ASTN2: variants seen among roughly 807,000 people sequenced by gnomAD.
ASTN2 encodes the protein astrotactin 2, also known as astrotactin-2.
A neutral mutation model predicts 139.8 loss-of-function variants in ASTN2; 54 were observed. The ratio of observed to expected loss-of-function variants is 0.39; its 90% CI spans 0.31 to 0.48. The LOEUF is 0.48. Ranked by LOEUF, ASTN2 falls within the 20% of genes least tolerant of loss-of-function variation. The pLI, the probability that ASTN2 is intolerant of heterozygous loss-of-function variation, is 0.95. For missense variants in ASTN2, 1,565 were observed against 1,725.1 expected, an observed-to-expected ratio of 0.91 and a Z score of 1.64; for synonymous variants, 756 against 719.5, an observed-to-expected ratio of 1.05 and a Z score of -0.81.
chr9:117,223,767 A>G (rs1163296810), intron 2 of ASTN2, among the ~76,000 whole-genome samples: 2 of 152,222 alleles, frequency 1.3e-5, no homozygotes, highest in African/African-American at 4.8e-5. Context: ...ACTCACACCT[A>G]TGTTAATACA....
intron 1 of ASTN2, among the ~76,000 whole-genome samples, chr9:117,393,837 C>CTGGTA (rs1830607318): frequency 6.6e-6 from 1 of 151,808 alleles, no homozygotes; most frequent in Admixed American, 6.6e-5. Context: ...TGGGCAGGCT[C>CTGGTA]TGGTATGAAA....
In ASTN2 at chr9:116,699,597, C is replaced by G. The variant is rs368240408; in HGVS notation, c.2806+26174G>C. ...CCTTATTCGAGAGGGACTTACCTGT[C>G]CGGTGGGCATAGCCCTAACTCCTAA... On this transcript the variant is annotated intron_variant, in intron 16 of 22. Coordinates refer to ENST00000313400, the MANE Select transcript of ASTN2 (RefSeq NM_001365068.1). This position sits in a 1 kb window ranked among gnomAD's most constrained non-coding sequence, Gnocchi z 4.2. 1.2e-6 allele frequency: 2 copies of G among 1,614,176 alleles called. No individual in the cohort carries two copies. The highest frequency in any genetic ancestry group is 8.5e-7 in the Non-Finnish European group (1 of 1,180,034).
At position 116,847,034 on chromosome 9, in the gene ASTN2, CAAAAAACAAAAAACA is replaced by C. The variant is rs1832457305; in HGVS notation, c.2040+16534_2040+16548del. On this transcript the variant is annotated intron_variant, in intron 11 of 22. Coordinates refer to ENST00000313400, the MANE Select transcript of ASTN2 (RefSeq NM_001365068.1). The stretch of plus-strand genomic sequence containing the variant: ...AAAAAAAAAAAAAAAAAACAAAAAA[CAAAAAACAAAAAACA>C]AAAAAAAACATATATTCTAATGGGG... 1.7e-5 allele frequency among the ~76,000 whole-genome samples: 2 copies of C among 118,766 alleles called. 1 individual carries two copies. The highest frequency in any genetic ancestry group is 6.6e-5 in the African/African-American group (2 of 30,328). The allele number at this position is 118,766 out of a possible 152,430, so 77.9% of individuals were successfully genotyped here. A position where few individuals can be genotyped will look rare whatever the true frequency, so the allele number is the denominator to read the frequency against.
chr9:117,338,891 C>T (rs911705693), intron 1 of ASTN2, among the ~76,000 whole-genome samples: 3 of 152,286 alleles, frequency 2.0e-5, no homozygotes, highest in African/African-American at 7.2e-5. Flanking sequence ...CCTCTCCAGA[C>T]CTCACAGCTG....
chr9:116,579,908 G>A (rs1331400650), intron 19 of ASTN2, among the ~76,000 whole-genome samples: 3 of 152,112 alleles, frequency 2.0e-5, no homozygotes, highest in East Asian at 1.9e-4. Context: ...TGCAACCTCC[G>A]CCTCCTGGAT....
chr9:117,034,509 G>A (rs1010839164), intron 6 of ASTN2, among the ~76,000 whole-genome samples: 3 of 152,146 alleles, frequency 2.0e-5, no homozygotes, highest in African/African-American at 7.2e-5. Flanking sequence ...TATTAAAGAT[G>A]CTTATAATGA....
chr9:117,346,068 T>C (rs901587289), intron 1 of ASTN2, among the ~76,000 whole-genome samples: 4 of 150,842 alleles, frequency 2.7e-5, no homozygotes, highest in African/African-American at 9.8e-5. Context: ...AGATGTTTTA[T>C]TGTCTAACCC....
At chr9:117,398,680 A>G (rs993613885) in intron 1 of ASTN2, among the ~76,000 whole-genome samples, 2 of 152,244 alleles carry the variant, frequency 1.3e-5, no homozygotes, top group African/African-American at 4.8e-5. Context: ...ACTGTTTGTC[A>G]TGGCCACCTT....
chr9:117,067,885 T>C (rs1050299396), intron 5 of ASTN2, among the ~76,000 whole-genome samples: 1 of 121,120 alleles, frequency 8.3e-6, no homozygotes, highest in African/African-American at 2.9e-5. Flanking sequence ...TGAAGTTGCT[T>C]ATCAGCTTAA....
At chr9:117,046,524 C>T (rs535750873) in intron 5 of ASTN2, among the ~76,000 whole-genome samples, 1 of 152,270 alleles carries the variant, frequency 6.6e-6, no homozygotes, top group East Asian at 1.9e-4. Flanking sequence ...TGTAAGCTCT[C>T]AATATATTTC....
At chr9:116,950,593 G>T (rs1040684205) in intron 10 of ASTN2, among the ~76,000 whole-genome samples, 1 of 152,056 alleles carries the variant, frequency 6.6e-6, no homozygotes, top group Non-Finnish European at 1.5e-5. Context: ...AGTTTGTCAC[G>T]GGAAGTTACA....
In ASTN2 at chr9:116,698,554, G is replaced by GGGAGCTCACCCTGCAAGATGT. The variant is rs760537269; in HGVS notation, c.2806+27196_2806+27216dup. ...CCAGAGCTCACTGCCAGCTTGCCTC[G>GGGAGCTCACCCTGCAAGATGT]GGAGCTCACCCTGCAAGATGTGGAG... On this transcript the variant is annotated intron_variant, in intron 16 of 22. Coordinates refer to ENST00000313400, the MANE Select transcript of ASTN2 (RefSeq NM_001365068.1). The surrounding 1 kb of genome is among the most constrained non-coding windows in gnomAD (Gnocchi z 4.4). 6.2e-7 allele frequency: 1 copy of GGGAGCTCACCCTGCAAGATGT among 1,613,890 alleles called. No homozygotes were observed. The highest frequency in any genetic ancestry group is 8.5e-7 in the Non-Finnish European group (1 of 1,180,010).
intron 10 of ASTN2, among the ~76,000 whole-genome samples, chr9:116,930,176 C>A (rs1292848822): frequency 6.6e-6 from 1 of 152,128 alleles, no homozygotes; most frequent in Non-Finnish European, 1.5e-5. Context: ...AGGTGGGCAC[C>A]ATTGGGATGG....
intron 22 of ASTN2, among the ~76,000 whole-genome samples, chr9:116,427,093 C>G (rs1858016): frequency 0.92 from 140,175 of 152,138 alleles, 64,755 homozygotes; most frequent in Non-Finnish European, 0.96. Context: ...AGGAAGGATT[C>G]TTGCAATCAC....
At chr9:117,233,741 T>C (rs1007650887) in intron 2 of ASTN2, among the ~76,000 whole-genome samples, 3 of 152,132 alleles carry the variant, frequency 2.0e-5, no homozygotes, top group African/African-American at 7.2e-5. Flanking sequence ...TGGTGATCAC[T>C]GAACAGTGAG....
At chr9:117,171,871 T>C (rs1415595631) in intron 3 of ASTN2, among the ~76,000 whole-genome samples, 1 of 152,130 alleles carries the variant, frequency 6.6e-6, no homozygotes, top group Non-Finnish European at 1.5e-5. Flanking sequence ...ACTAATACAC[T>C]ATCTAAACAT....
At chr9:116,429,021 C>A (rs1379947402) in intron 22 of ASTN2, among the ~76,000 whole-genome samples, 1 of 151,876 alleles carries the variant, frequency 6.6e-6, no homozygotes, top group African/African-American at 2.4e-5. Context: ...GAGAACTGAG[C>A]GGAAGGAGGC....
At chr9:116,934,002 T>TTTTTTTTTTTTTTTTTTTTTTTTTTTC (rs1588422835) in intron 10 of ASTN2, among the ~76,000 whole-genome samples, 1 of 121,360 alleles carries the variant, frequency 8.2e-6, no homozygotes, top group Admixed American at 8.7e-5. Context: ...TTTTTTTTTT[T>TTTTTTTTTTTTTTTTTTTTTTTTTTTC]CTGGATCAAG....
chr9:116,967,578 T>C (rs1286096719), intron 10 of ASTN2, among the ~76,000 whole-genome samples: 3 of 152,332 alleles, frequency 2.0e-5, no homozygotes, highest in Non-Finnish European at 2.9e-5. Context: ...TTGCCTACAA[T>C]GTGTGCACAC....
Sources: gnomAD v4.1 joint callset for allele counts (sites outside exome capture counted in the v4.1 genomes callset) on GRCh38, gnomAD v4.1.1 for gene constraint, Gnocchi (gnomAD v3.1) non-coding constraint, MANE v1.5 for transcripts, NCBI Gene and HGNC (gene_info 2026-07-23, HGNC 2026-07-21) for gene names.